The following GMDS variants were observed in gnomAD, a reference collection of about 807,000 sequenced individuals.
The protein encoded by GMDS is GDP-mannose 4,6-dehydratase, also known as GDP-mannose 4,6 dehydratase.
GMDS carries 20 observed loss-of-function variants against 49.9 expected under a neutral mutation model. The ratio of observed to expected loss-of-function variants is 0.40; its 90% CI spans 0.28 to 0.58. GMDS has a LOEUF of 0.58. GMDS is among the 20% of genes least tolerant of loss of function. GMDS has a pLI of 0.42. For missense variants in GMDS, 362 were observed against 481.4 expected, an observed-to-expected ratio of 0.75 and a Z score of 2.32; for synonymous variants, 177 against 178.6, an observed-to-expected ratio of 0.99 and a Z score of 0.07.
In GMDS at chr6:1,875,380, C is replaced by T. The variant is rs557604688; in HGVS notation, c.771+54723G>A. 2.0e-5 allele frequency among the ~76,000 whole-genome samples: 3 copies of T among 151,868 alleles called. No individual in the cohort carries two copies. The South Asian group carries it at 6.3e-4, about 32-fold the overall frequency. On this transcript the variant is annotated intron_variant, in intron 7 of 10. Coordinates refer to ENST00000380815, the MANE Select transcript of GMDS (RefSeq NM_001500.4). Reference sequence around the variant, plus strand: ...CTGGAAAGATATGTATCAACAAACTCTCTGAATGTTAGAATTTAAAAAAAA... The same window carrying T: ...CTGGAAAGATATGTATCAACAAACTTTCTGAATGTTAGAATTTAAAAAAAA...
chr6:1,745,504 T>C (rs1470697072), intron 7 of GMDS, among the ~76,000 whole-genome samples: 1 of 152,080 alleles, frequency 6.6e-6, no homozygotes, highest in Admixed American at 6.5e-5. Flanking sequence ...TGTTGGCTAC[T>C]GGTGGGTCAC....
intron 1 of GMDS, among the ~76,000 whole-genome samples, chr6:2,194,051 A>G (rs1779176397): frequency 2.0e-5 from 3 of 152,114 alleles, no homozygotes; most frequent in Non-Finnish European, 4.4e-5. Context: ...AAAAAAAAGA[A>G]GCATTATAAA....
intron 9 of GMDS, among the ~76,000 whole-genome samples, chr6:1,652,390 T>G (rs1339107205): frequency 1.4e-4 from 1 of 7,110 alleles, no homozygotes; most frequent in Non-Finnish European, 3.2e-4. Flanking sequence ...AATATATATA[T>G]ATTATATATA....
intron 7 of GMDS, among the ~76,000 whole-genome samples, chr6:1,907,832 C>G (rs1199428108): frequency 6.6e-6 from 1 of 152,212 alleles, no homozygotes; most frequent in Non-Finnish European, 1.5e-5. Flanking sequence ...ATGAACTATA[C>G]AGTTCTCCCC....
At chr6:1,921,895 C>A (rs1332562238) in intron 7 of GMDS, among the ~76,000 whole-genome samples, 1 of 152,068 alleles carries the variant, frequency 6.6e-6, no homozygotes, top group Non-Finnish European at 1.5e-5. Flanking sequence ...TTTTTTCCCA[C>A]AATGGAAAAC....
intron 4 of GMDS, among the ~76,000 whole-genome samples, chr6:1,992,415 C>T (rs1561953826): frequency 1.3e-5 from 2 of 152,208 alleles, no homozygotes; most frequent in Non-Finnish European, 2.9e-5. Context: ...CTCTGCTCCA[C>T]TGCCATTTTC....
At chr6:2,063,530 T>C (rs1210395322) in intron 4 of GMDS, among the ~76,000 whole-genome samples, 1 of 152,212 alleles carries the variant, frequency 6.6e-6, no homozygotes, top group Admixed American at 6.5e-5. Context: ...ATGGTAAGTA[T>C]AATATTAACA....
At chr6:1,776,970 T>C (rs920241693) in intron 7 of GMDS, among the ~76,000 whole-genome samples, 1 of 152,130 alleles carries the variant, frequency 6.6e-6, no homozygotes, top group African/African-American at 2.4e-5. Context: ...CATCTGTAGG[T>C]GGGGATCTGG....
chr6:1,663,187 A>G (rs1764135348), intron 9 of GMDS, among the ~76,000 whole-genome samples: 1 of 152,216 alleles, frequency 6.6e-6, no homozygotes, highest in Non-Finnish European at 1.5e-5. Context: ...ACATGCACTG[A>G]TAAGGAAAGG....
intron 4 of GMDS, among the ~76,000 whole-genome samples, chr6:2,005,034 C>T (rs1328648225): frequency 2.0e-5 from 3 of 152,144 alleles, no homozygotes; most frequent in African/African-American, 7.2e-5. Context: ...CAGAGCTTCT[C>T]AAGTACTTAA....
At chr6:2,089,056 A>C (rs559274467) in intron 4 of GMDS, among the ~76,000 whole-genome samples, 9 of 152,362 alleles carry the variant, frequency 5.9e-5, no homozygotes, top group African/African-American at 1.9e-4. Context: ...ATACTAAAAC[A>C]AAACAAAAAA....
chr6:1,859,362 G>C (rs762224536), intron 7 of GMDS, among the ~76,000 whole-genome samples: 27 of 152,166 alleles, frequency 1.8e-4, no homozygotes, highest in Middle Eastern at 6.8e-3. Flanking sequence ...CCTTCCACCA[G>C]GTAGAAAGTC....
intron 4 of GMDS, among the ~76,000 whole-genome samples, chr6:2,015,680 A>G (rs147037434): frequency 1.4e-3 from 211 of 152,218 alleles, no homozygotes; most frequent in African/African-American, 4.7e-3. Context: ...CAAGATCTCC[A>G]CTGGATGCCT....
chr6:1,764,726 T>C (rs1005611890), intron 7 of GMDS, among the ~76,000 whole-genome samples: 1 of 152,220 alleles, frequency 6.6e-6, no homozygotes. Flanking sequence ...TTTCAGAGCA[T>C]GAATTCTTTT....
chr6:2,086,325 A>G (rs1212094589), intron 4 of GMDS, among the ~76,000 whole-genome samples: 2 of 152,242 alleles, frequency 1.3e-5, no homozygotes, highest in Non-Finnish European at 2.9e-5. Flanking sequence ...TACTAGAAGC[A>G]ACACTTTTGT....
rs145856490 is a variant in GMDS at position 1,751,919 on chromosome 6, G to A, written c.772-9333C>T. Among the ~76,000 whole-genome samples the A allele has an allele frequency of 6.1e-3, 924 of 152,294 alleles. 9 individuals are homozygous for A. The highest frequency in any genetic ancestry group is 0.021 in the African/African-American group (889 of 41,538). ...GATCAAAGGTAGATAACTCCACAAA[G>A]ATGAGGAAAAACTAGTGCAAAAAGG... On this transcript the variant is annotated intron_variant, in intron 7 of 10. Transcript: ENST00000380815.
intron 7 of GMDS, among the ~76,000 whole-genome samples, chr6:1,915,267 TCAGCCAGGCC>T (rs1761318408): frequency 3.3e-5 from 5 of 152,194 alleles, no homozygotes; most frequent in African/African-American, 7.2e-5. Flanking sequence ...GCAAGCATTG[TCAGCCAGGCC>T]CTGGCAGAGG....
At chr6:1,969,567 G>A (rs1022650046) in intron 4 of GMDS, among the ~76,000 whole-genome samples, 4 of 152,144 alleles carry the variant, frequency 2.6e-5, no homozygotes, top group African/African-American at 9.7e-5. Context: ...TGTAACATAC[G>A]TTGTTTGCCT....
At chr6:1,782,298 G>A (rs934638059) in intron 7 of GMDS, among the ~76,000 whole-genome samples, 2 of 152,164 alleles carry the variant, frequency 1.3e-5, no homozygotes, top group African/African-American at 4.8e-5. Context: ...TGTACTGTAG[G>A]AGTCACTGTT....
Sources: gnomAD v4.1 joint callset for allele counts (sites outside exome capture counted in the v4.1 genomes callset) on GRCh38, gnomAD v4.1.1 for gene constraint, MANE v1.5 for transcripts, NCBI Gene and HGNC (gene_info 2026-07-23, HGNC 2026-07-21) for gene names.